Variants in RBM44 observed in about 807,000 individuals in gnomAD.
The protein encoded by RBM44 is RNA binding motif protein 44, also known as RNA-binding protein 44.
A neutral mutation model predicts 105.1 loss-of-function variants in RBM44; 66 were observed. The ratio of observed to expected loss-of-function variants is 0.63; its 90% CI spans 0.52 to 0.77. The LOEUF is 0.77. Ranked by LOEUF, RBM44 falls within the 30% of genes least tolerant of loss-of-function variation. RBM44 has a pLI of 0.00. For missense variants in RBM44, 1,122 were observed against 1,207.8 expected (o/e 0.93, Z 1.05); for synonymous variants, 365 against 417.6 (o/e 0.87, Z 1.54).
Position 237,818,939 on chromosome 2 carries a change from C to A in RBM44, c.1716C>A (p.Asp572Glu). 1 of 1,478,178 alleles carries A rather than the reference C, an allele frequency of 6.8e-7. No homozygotes were observed. The highest frequency in any genetic ancestry group is 9.2e-7 in the Non-Finnish European group (1 of 1,087,650). 91.6% of individuals were successfully genotyped at this position (1,478,178 alleles called of 1,614,324 possible). Reference sequence around the variant, plus strand: ...TAAGAAAAGCATGTGGTATCACAGACCTAAAGAAACATCCTGAGAGGTACA... The same window carrying A: ...TAAGAAAAGCATGTGGTATCACAGAACTAAAGAAACATCCTGAGAGGTACA... ...LELRKACGIT[D>E]LKKHPEREFQ... The change falls in exon 4 of 16, where the codon GAC becomes GAA. Residue 572 changes from aspartate (D) to glutamate (E), a missense_variant. Asp to Glu is a conservative substitution (Grantham distance 45). Coordinates refer to ENST00000316997, the MANE Select transcript of RBM44 (RefSeq NM_001080504.3). The surrounding 1 kb of genome is among the most constrained non-coding windows in gnomAD (Gnocchi z 4.6).
intron 12 of RBM44, 133 bp downstream of exon 12, chr2:237,827,636 G>T (rs2061861506): frequency 4.9e-6 from 3 of 618,236 alleles, no homozygotes; most frequent in South Asian, 4.2e-5. Context: ...CCAGGGAAGG[G>T]GACATAGGGA....
chr2:237,830,805 T>C (rs1046008923), intron 13 of RBM44, among the ~76,000 whole-genome samples: 3 of 152,144 alleles, frequency 2.0e-5, no homozygotes, highest in Non-Finnish European at 4.4e-5. Flanking sequence ...TGTAGCTTCA[T>C]AGTAAGTTTT....
chr2:237,818,434 A>C lies in RBM44; in HGVS notation c.1515A>C (p.Lys505Asn), dbSNP rs777148706. 8 of 1,613,190 alleles carry C rather than the reference A, an allele frequency of 5.0e-6. No homozygotes were observed. In the East Asian group the frequency reaches 1.6e-4, roughly 31 times the overall value. The change falls in exon 3 of 16, where the codon AAA becomes AAC. Residue 505 changes from lysine to asparagine, a missense_variant. Transcript: ENST00000316997. The surrounding 1 kb of genome is among the most constrained non-coding windows in gnomAD (Gnocchi z 4.6). ...SNTEITMMNK[K>N]RPDEWQNEKQ... ...CAGAGATAACAATGATGAATAAAAA[A>C]CGACCTGATGAATGGCAAAATGAGA...
rs1383529253 is a variant in RBM44 at position 237,821,188 on chromosome 2, G to A, written c.2031G>A (p.Leu677=). ...AAAAAATACACAAAGGCATACCACT[G>A]GAAGAGCTGCCCCCACTGTCACTAG... ...LKEKIHKGIP[L]EELPPLSLES... is the part of the protein sequence containing the mutation. The change falls in exon 6 of 16, where the codon CTG becomes CTA. Residue 677 remains leucine, a synonymous_variant. Coordinates refer to ENST00000316997, the MANE Select transcript of RBM44 (RefSeq NM_001080504.3). 12 of 1,610,366 alleles carry A rather than the reference G, an allele frequency of 7.5e-6. No individual in the cohort carries two copies. The highest frequency in any genetic ancestry group is 1.3e-5 in the African/African-American group (1 of 74,702).
At chr2:237,824,516 T>A in intron 10 of RBM44, 97 bp downstream of exon 10, 2 of 903,636 alleles carry the variant, frequency 2.2e-6, no homozygotes, top group Non-Finnish European at 3.2e-6. Flanking sequence ...TGAGTTGTTT[T>A]AATATTTTAT....
rs2061858953 is a variant in RBM44, at chr2:237,827,412, CTT to C, written c.2530-18_2530-17del. On this transcript the variant is annotated intron_variant, in intron 11 of 15. Transcript: ENST00000316997. Reference sequence around the variant, plus strand: ...GTTGTTTTTTTCTACCTTTCACAAACTTTTATTTCTCTTCTTTTAGGCCGATT... The same window carrying C: ...GTTGTTTTTTTCTACCTTTCACAAACTTATTTCTCTTCTTTTAGGCCGATT... 1 of 1,496,784 alleles carries C rather than the reference CTT, an allele frequency of 6.7e-7. No individual in the cohort carries two copies. Among genetic ancestry groups the C allele is most frequent in the Non-Finnish European group, 9.1e-7 (1 of 1,101,748 alleles). The allele number at this position is 1,496,784 out of a possible 1,614,324, so 92.7% of individuals were successfully genotyped here. A position where few individuals can be genotyped will look rare whatever the true frequency, so the allele number is the denominator to read the frequency against.
chr2:237,823,300 AG>A (rs1356605052), intron 8 of RBM44, 139 bp from the exon 9 acceptor site: 3 of 528,948 alleles, frequency 5.7e-6, no homozygotes, highest in Non-Finnish European at 1.0e-5. Flanking sequence ...CTCACATGTC[AG>A]GTCAGGTTGA....
At position 237,829,368 on chromosome 2, in the gene RBM44, A is replaced by G. The variant is rs1468070456; in HGVS notation, c.2752A>G (p.Arg918Gly). 2 of 1,613,766 alleles carry G rather than the reference A, an allele frequency of 1.2e-6. No individual in the cohort carries two copies. Among genetic ancestry groups the G allele is most frequent in the Admixed American group, 3.3e-5 (2 of 59,984 alleles). ...ACCACTTTCCTCCAAAAATGGGAATAGAATTAGTTCGAATAATTTAGAGAA... is the reference window on the plus strand; with the variant it reads ...ACCACTTTCCTCCAAAAATGGGAATGGAATTAGTTCGAATAATTTAGAGAA... The part of the protein sequence containing the change: ...TSPLSSKNGN[R>G]ISSNNLEKST... The change falls in exon 13 of 16, where the codon AGA becomes GGA. Residue 918 changes from arginine to glycine, a missense_variant. Coordinates refer to ENST00000316997, the MANE Select transcript of RBM44 (RefSeq NM_001080504.3).
In RBM44 at chr2:237,800,727, C is replaced by CTT. The variant is rs200312897; in HGVS notation, c.-19+1881_-19+1882dup. 3.7e-4 allele frequency among the ~76,000 whole-genome samples: 51 copies of CTT among 137,288 alleles called. 1 individual carries two copies. The highest frequency in any genetic ancestry group is 1.2e-3 in the South Asian group (5 of 4,274). The allele number at this position is 137,288 out of a possible 152,430, so 90.1% of individuals were successfully genotyped here. On this transcript the variant is annotated intron_variant, in intron 1 of 15. Coordinates refer to ENST00000316997, the MANE Select transcript of RBM44 (RefSeq NM_001080504.3). The stretch of plus-strand genomic sequence containing the variant: ...AAAATACTCCTTGGGACTCTCAATC[C>CTT]TTTTTTTTTTTTTTTTGAGGCGGAG...
At chr2:237,810,567 T>G (rs1403193451) in intron 1 of RBM44, among the ~76,000 whole-genome samples, 3 of 152,230 alleles carry the variant, frequency 2.0e-5, no homozygotes, top group African/African-American at 7.2e-5. Flanking sequence ...CTATGCACAG[T>G]AAATCAATCA....
At chr2:237,834,474 C>G in intron 15 of RBM44, 51 bp downstream of exon 15, 1 of 852,976 alleles carries the variant, frequency 1.2e-6, no homozygotes, top group Non-Finnish European at 1.7e-6. Context: ...AATTTATAAG[C>G]TATTGATTTC....
At chr2:237,825,918 G>T (rs909875593) in intron 10 of RBM44, among the ~76,000 whole-genome samples, 4 of 152,070 alleles carry the variant, frequency 2.6e-5, no homozygotes, top group African/African-American at 7.2e-5. Context: ...GTTAATGAAG[G>T]TTAGGTATTA....
chr2:237,799,494 A>C (rs4663790), intron 1 of RBM44: 32,729 of 152,164 alleles, frequency 0.22, 3,923 homozygotes, highest in East Asian at 0.41. Flanking sequence ...CGGGGTTTCA[A>C]CGTGTTAGCC....
At chr2:237,806,838 G>A (rs1362385779) in intron 1 of RBM44, among the ~76,000 whole-genome samples, 2 of 152,224 alleles carry the variant, frequency 1.3e-5, no homozygotes, top group Middle Eastern at 3.4e-3. Context: ...CTCAGAAGTT[G>A]CCCACCTGGC....
rs1000020053 is a variant in RBM44 at position 237,803,485 on chromosome 2, A to T, written c.-19+4624A>T. ...ATGTTTTCATACCTATAAGCAATTT[A>T]AAAAATCTATTTGTACAAGTTATTT... On this transcript the variant is annotated intron_variant, in intron 1 of 15. Coordinates refer to ENST00000316997, the MANE Select transcript of RBM44 (RefSeq NM_001080504.3). This position sits in a 1 kb window ranked among gnomAD's most constrained non-coding sequence, Gnocchi z 4.2. 6.6e-6 allele frequency among the ~76,000 whole-genome samples: 1 copy of T among 152,254 alleles called. No individual in the cohort carries two copies. The highest frequency in any genetic ancestry group is 2.4e-5 in the African/African-American group (1 of 41,470).
chr2:237,809,530 C>T (rs1343068412), intron 1 of RBM44, among the ~76,000 whole-genome samples: 1 of 152,168 alleles, frequency 6.6e-6, no homozygotes, highest in African/African-American at 2.4e-5. Flanking sequence ...TCCTACCACA[C>T]ATATTGCTCC....
rs1023095455 is a variant in RBM44, at chr2:237,798,790, G to C, written c.-90G>C. On this transcript the variant is annotated 5_prime_UTR_variant, in exon 1 of 16. Transcript: ENST00000316997. The surrounding 1 kb of genome is among the most constrained non-coding windows in gnomAD (Gnocchi z 4.3). The stretch of plus-strand genomic sequence containing the variant: ...GCTGCTCCGGTGGCGCCACTGACTC[G>C]GAGGCGGCTGCGGAGAGCGGGGCGC... 1 of 152,466 alleles carries C rather than the reference G, an allele frequency of 6.6e-6. No individual in the cohort carries two copies. The highest frequency in any genetic ancestry group is 1.5e-5 in the Non-Finnish European group (1 of 68,154). 9.4% of individuals were successfully genotyped at this position (152,466 alleles called of 1,614,324 possible).
At chr2:237,833,134 C>T (rs907060192) in intron 13 of RBM44, among the ~76,000 whole-genome samples, 1 of 152,148 alleles carries the variant, frequency 6.6e-6, no homozygotes, top group Non-Finnish European at 1.5e-5. Context: ...ACTGTGTACA[C>T]TATTCTAGGC....
rs2061530323 is a variant in RBM44 at position 237,800,104 on chromosome 2, G to A, written c.-19+1243G>A. Among the ~76,000 whole-genome samples the A allele has an allele frequency of 1.3e-5, 2 of 152,162 alleles. 1 individual carries two copies. The highest frequency in any genetic ancestry group is 3.8e-4 in the East Asian group (2 of 5,198). ...ACCATGTTACATTCCCATCGGCAAT[G>A]GATGAAGGTTCTGATTTCTCCATGA... On this transcript the variant is annotated intron_variant, in intron 1 of 15. Coordinates refer to ENST00000316997, the MANE Select transcript of RBM44 (RefSeq NM_001080504.3).
Sources: allele counts gnomAD v4.1 joint callset (sites outside exome capture counted in the v4.1 genomes callset), GRCh38; gene constraint gnomAD v4.1.1; non-coding constraint Gnocchi (gnomAD v3.1); transcripts MANE v1.5; gene names NCBI Gene and HGNC (gene_info 2026-07-23, HGNC 2026-07-21).